The following CYP4X1 variants were observed in gnomAD, a reference collection of about 807,000 sequenced individuals.
CYP4X1 encodes the protein cytochrome P450 4X1.
In CYP4X1, 44 loss-of-function variants were observed where a neutral mutation model predicts 57.9. The observed-to-expected ratio is 0.76, with a 90% CI of 0.60 to 0.98. The LOEUF is 0.98. Ranked by LOEUF, CYP4X1 falls within the 50% of genes least tolerant of loss-of-function variation. The pLI is 0.00. For missense variants in CYP4X1, 532 were observed against 623.9 expected (o/e 0.85, Z 1.57); for synonymous variants, 227 against 228.6 (o/e 0.99, Z 0.06).
At chr1:46,975,692 T>G in the CYP4X1 span, among the ~76,000 whole-genome samples, 2 of 152,210 alleles carry the variant, frequency 1.3e-5, no homozygotes, top group Non-Finnish European at 2.9e-5. Context: ...CTGAATTTCT[T>G]GTATTTGCAT....
At chr1:47,035,671 C>T in intron 4 of CYP4X1, 135 bp from the exon 5 acceptor site, 1 of 1,289,650 alleles carries the variant, frequency 7.8e-7, no homozygotes, top group Non-Finnish European at 1.0e-6. Context: ...CTTATTTACT[C>T]ATGTGATCTT....
the CYP4X1 span, among the ~76,000 whole-genome samples, chr1:46,993,231 C>T: frequency 1.3e-5 from 2 of 151,984 alleles, no homozygotes; most frequent in South Asian, 4.2e-4. Flanking sequence ...TGGTTTCCAG[C>T]TTCATCCATG....
intron 1 of CYP4X1, 32 bp downstream of exon 1, chr1:47,024,026 G>C: frequency 1.3e-6 from 2 of 1,593,548 alleles, no homozygotes; most frequent in Non-Finnish European, 8.6e-7. Flanking sequence ...GGAAGGAGGA[G>C]GGAGGGGCGG....
At chr1:47,031,514 C>A (rs55945966) in intron 3 of CYP4X1, 34 bp downstream of exon 3, 4 of 1,607,802 alleles carry the variant, frequency 2.5e-6, no homozygotes, top group East Asian at 4.5e-5. Context: ...ATAACCCACT[C>A]TCATTCAAAG....
At chr1:47,026,327 AAC>A (rs1644063911) in intron 1 of CYP4X1, among the ~76,000 whole-genome samples, 1 of 152,208 alleles carries the variant, frequency 6.6e-6, no homozygotes, top group Non-Finnish European at 1.5e-5. Flanking sequence ...CTGTATCAAA[AAC>A]ATCTCATTTA....
the CYP4X1 span, among the ~76,000 whole-genome samples, chr1:46,975,202 A>G: frequency 6.6e-6 from 1 of 152,044 alleles, no homozygotes. Flanking sequence ...TGTGCCTTTG[A>G]TCCTGTCATC....
At chr1:47,013,759 C>CTT in the CYP4X1 span, among the ~76,000 whole-genome samples, 667 of 122,036 alleles carry the variant, frequency 5.5e-3, 12 homozygotes, top group East Asian at 0.033. Context: ...TCAATATACT[C>CTT]TTTTTTTTTT....
intron 4 of CYP4X1, among the ~76,000 whole-genome samples, chr1:47,034,791 C>T (rs959239393): frequency 1.3e-5 from 2 of 151,988 alleles, no homozygotes; most frequent in Non-Finnish European, 2.9e-5. Flanking sequence ...AGTTTTCTCT[C>T]TATTTCTCGG....
At chr1:46,980,548 C>G in the CYP4X1 span, among the ~76,000 whole-genome samples, 1 of 152,182 alleles carries the variant, frequency 6.6e-6, no homozygotes, top group Admixed American at 6.5e-5. Flanking sequence ...AATGGCCATA[C>G]TGCCCAAGGT....
the CYP4X1 span, among the ~76,000 whole-genome samples, chr1:46,965,197 G>A: frequency 5.6e-4 from 86 of 152,330 alleles, no homozygotes; most frequent in East Asian, 3.7e-3. Context: ...CGGGTGAGGC[G>A]ATGCCTCGCC....
the CYP4X1 span, among the ~76,000 whole-genome samples, chr1:46,998,986 A>T: frequency 1.3e-5 from 2 of 149,772 alleles, no homozygotes; most frequent in Non-Finnish European, 1.5e-5. Context: ...TTGTAGTAGA[A>T]TTTTAAATTA....
chr1:47,038,623 C>T, intron 6 of CYP4X1, 37 bp from the exon 7 acceptor site: 1 of 1,510,480 alleles, frequency 6.6e-7, no homozygotes, highest in Non-Finnish European at 9.0e-7. Flanking sequence ...TTGACTTTGC[C>T]ATCACTTTGG....
At chr1:47,031,400 A>G (rs376677877) in intron 2 of CYP4X1, 36 bp from the exon 3 acceptor site, 2 of 1,611,514 alleles carry the variant, frequency 1.2e-6, no homozygotes, top group African/African-American at 2.7e-5. Context: ...TGCTCCCTCT[A>G]ATGATGTCTT....
the CYP4X1 span, among the ~76,000 whole-genome samples, chr1:46,992,223 C>T: frequency 3.7e-3 from 563 of 152,168 alleles, 3 homozygotes; most frequent in African/African-American, 0.013. Flanking sequence ...GGCTGAGGCA[C>T]GAGAATCACT....
the CYP4X1 span, among the ~76,000 whole-genome samples, chr1:46,979,415 G>A: frequency 1.1e-4 from 17 of 152,124 alleles, no homozygotes; most frequent in South Asian, 2.1e-3. Context: ...ACCCTCCCAC[G>A]ACTAAACCAG....
At chr1:46,962,380 A>C in the CYP4X1 span, among the ~76,000 whole-genome samples, 1 of 152,290 alleles carries the variant, frequency 6.6e-6, no homozygotes, top group African/African-American at 2.4e-5. Context: ...GGTCTCCCAA[A>C]GTGTTGGGAT....
chr1:46,969,452 G>C, the CYP4X1 span, among the ~76,000 whole-genome samples: 2 of 152,156 alleles, frequency 1.3e-5, no homozygotes, highest in African/African-American at 4.8e-5. Context: ...CAATATTTTG[G>C]AGGAAGTACT....
At chr1:47,006,121 G>A in the CYP4X1 span, among the ~76,000 whole-genome samples, 3 of 152,130 alleles carry the variant, frequency 2.0e-5, no homozygotes, top group Non-Finnish European at 4.4e-5. Flanking sequence ...CCAGTGAATG[G>A]GGTAAATGTT....
chr1:47,032,604 C>T (rs1480944397), intron 3 of CYP4X1, among the ~76,000 whole-genome samples: 3 of 152,120 alleles, frequency 2.0e-5, no homozygotes, highest in African/African-American at 7.2e-5. Flanking sequence ...TCCTAATGAC[C>T]AGTCTGGCAA....
Sources: gnomAD v4.1 joint callset for allele counts (sites outside exome capture counted in the v4.1 genomes callset) on GRCh38, gnomAD v4.1.1 for gene constraint, MANE v1.5 for transcripts, NCBI Gene and HGNC (gene_info 2026-07-23, HGNC 2026-07-21) for gene names.